The following APPBP2 variants were observed in gnomAD, a reference collection of about 807,000 sequenced individuals.
APPBP2 encodes amyloid beta precursor protein binding protein 2.
Under a neutral mutation model 76.0 loss-of-function variants are expected in APPBP2, and 15 were observed. That is an observed-to-expected ratio of 0.20 (90% confidence interval 0.13 to 0.30). APPBP2 has a LOEUF of 0.30. Among genes scored for constraint, APPBP2 ranks in the 10% least tolerant of loss-of-function variants. The pLI is 1.00. For missense variants in APPBP2, 401 were observed against 687.2 expected (o/e 0.58, Z 4.66); for synonymous variants, 222 against 242.2 (o/e 0.92, Z 0.77).
chr17:60,488,364 CATGG>C (rs1343847134), intron 3 of APPBP2, among the ~76,000 whole-genome samples: 3 of 152,172 alleles, frequency 2.0e-5, no homozygotes, highest in African/African-American at 7.2e-5. Context: ...GTCTCTATAA[CATGG>C]ATGGATTTTG....
In APPBP2 at chr17:60,460,668, A is replaced by G. The variant is rs200909615; in HGVS notation, c.1056T>C (p.Asn352=). 3.5e-5 allele frequency: 56 copies of G among 1,611,460 alleles called. No homozygotes were observed. The East Asian group carries it at 7.8e-4, about 22-fold the overall frequency. ...AAAAGGAATGTGGAACTTACAGTGC[A>G]TTGTCAAATTTCCCAGAGCTATACT... ...VHQYSSGKFD[N]ALFHAERAIG... is the part of the protein sequence containing the mutation. The change falls in exon 9 of 13, where the codon AAT becomes AAC. Residue 352 remains asparagine (N), a synonymous_variant. Coordinates refer to ENST00000083182, the MANE Select transcript of APPBP2 (RefSeq NM_006380.5).
At position 60,451,989 on chromosome 17, in the gene APPBP2, T is replaced by C. The variant is rs1489028398; in HGVS notation, c.1395A>G (p.Gln465=). The C allele has an allele frequency of 2.5e-6, 4 of 1,613,832 alleles. No individual in the cohort carries two copies. The highest frequency in any genetic ancestry group is 2.7e-5 in the African/African-American group (2 of 74,926). ...CTGAAAGGGCTACTTCATAATCTTC[T>C]TGACCAAGAAGTTGTTCTTTAATCT... ...AIQIKEQLLG[Q]EDYEVALSVG... Residue 465 remains glutamine, a synonymous_variant, in exon 12 of 13, where the codon CAA becomes CAG. Coordinates refer to ENST00000083182, the MANE Select transcript of APPBP2 (RefSeq NM_006380.5).
chr17:60,504,510 C>A (rs975336313), intron 1 of APPBP2, among the ~76,000 whole-genome samples: 3 of 152,038 alleles, frequency 2.0e-5, no homozygotes, highest in Admixed American at 6.6e-5. Flanking sequence ...AAAAGGAATT[C>A]CAGATTTATC....
chr17:60,488,669 G>C (rs1463320180), intron 3 of APPBP2, among the ~76,000 whole-genome samples: 2 of 152,112 alleles, frequency 1.3e-5, no homozygotes, highest in African/African-American at 4.8e-5. Context: ...CCAGGACTTG[G>C]TTCTCTCTCC....
At chr17:60,459,465 G>GTCCT in intron 9 of APPBP2, 1 of 146,152 alleles carries the variant, frequency 6.8e-6, no homozygotes, top group Non-Finnish European at 1.5e-5. Flanking sequence ...ATGTCCACCT[G>GTCCT]TCCTTTCCCT....
At chr17:60,494,225 G>A (rs2090754429) in intron 3 of APPBP2, among the ~76,000 whole-genome samples, 1 of 152,194 alleles carries the variant, frequency 6.6e-6, no homozygotes, top group Non-Finnish European at 1.5e-5. Context: ...ACTTTTCTGA[G>A]TCTGTTTCCT....
At chr17:60,507,425 T>C (rs924397189) in intron 1 of APPBP2, among the ~76,000 whole-genome samples, 1 of 152,198 alleles carries the variant, frequency 6.6e-6, no homozygotes, top group Non-Finnish European at 1.5e-5. Flanking sequence ...TTTTGCCATG[T>C]TGGCCAGGCT....
At chr17:60,475,858 C>T (rs545803374) in intron 4 of APPBP2, among the ~76,000 whole-genome samples, 1 of 152,244 alleles carries the variant, frequency 6.6e-6, no homozygotes, top group South Asian at 2.1e-4. Flanking sequence ...AGCCCAAAAG[C>T]AATCTCTGTT....
In APPBP2 at chr17:60,456,289, A is replaced by G; in HGVS notation, c.1147+7T>C. ...TAAAATATCTGAGACTAGATTACAA[A>G]GGATACCTTTCACCCTCTTTGAAGA... On this transcript the variant is annotated splice_region_variant and intron_variant, in intron 10 of 12. Coordinates refer to ENST00000083182, the MANE Select transcript of APPBP2 (RefSeq NM_006380.5). 1 of 1,566,884 alleles carries G rather than the reference A, an allele frequency of 6.4e-7. No homozygotes were observed. Among genetic ancestry groups the G allele is most frequent in the Non-Finnish European group, 8.8e-7 (1 of 1,137,844 alleles).
chr17:60,499,695 A>T (rs1323735931), intron 2 of APPBP2, among the ~76,000 whole-genome samples: 3 of 152,240 alleles, frequency 2.0e-5, no homozygotes, highest in Non-Finnish European at 2.9e-5. Flanking sequence ...AGATAAACAA[A>T]ATGTGGTATA....
intron 12 of APPBP2, among the ~76,000 whole-genome samples, chr17:60,448,764 C>A (rs1369229653): frequency 6.6e-6 from 1 of 152,116 alleles, no homozygotes; most frequent in Non-Finnish European, 1.5e-5. Flanking sequence ...AAATATTTAT[C>A]TGTTCATTGT....
At chr17:60,499,015 A>G (rs1390091296) in intron 2 of APPBP2, among the ~76,000 whole-genome samples, 1 of 151,750 alleles carries the variant, frequency 6.6e-6, no homozygotes, top group African/African-American at 2.4e-5. Flanking sequence ...ACGTAACTTC[A>G]TGCATTAAAA....
rs939599630 is a variant in APPBP2, at chr17:60,443,503, A to G, written c.*4078T>C. 1 of 152,644 alleles carries G rather than the reference A, an allele frequency of 6.6e-6. No individual in the cohort carries two copies. Among genetic ancestry groups the G allele is most frequent in the Non-Finnish European group, 1.5e-5 (1 of 68,048 alleles). The allele number at this position is 152,644 out of a possible 1,614,324, so 9.5% of individuals were successfully genotyped here. ...ATCCCCTGTTGCTTAATAAAGTATA[A>G]AAATAGTACTGACCTGGTAATATTT... On this transcript the variant is annotated 3_prime_UTR_variant, in exon 13 of 13. Transcript: ENST00000083182.
intron 9 of APPBP2, among the ~76,000 whole-genome samples, chr17:60,457,409 G>GT (rs1226504754): frequency 2.2e-4 from 34 of 151,122 alleles, no homozygotes; most frequent in East Asian, 2.1e-3. Flanking sequence ...GTCTGCTGAG[G>GT]TTTTTTTTGT....
At chr17:60,493,881 C>G in intron 3 of APPBP2, among the ~76,000 whole-genome samples, 1 of 152,128 alleles carries the variant, frequency 6.6e-6, no homozygotes, top group East Asian at 1.9e-4. Context: ...CAGTGATCCA[C>G]CCACCTCAGT....
intron 4 of APPBP2, among the ~76,000 whole-genome samples, chr17:60,467,175 A>G (rs80122721): frequency 1.3e-5 from 2 of 152,112 alleles, no homozygotes; most frequent in Non-Finnish European, 2.9e-5. Context: ...TATTTATTAA[A>G]TGCTAGCTAG....
rs931503251 is a variant in APPBP2 at position 60,488,708 on chromosome 17, C to T, written c.379+5758G>A. On this transcript the variant is annotated intron_variant, in intron 3 of 12. Coordinates refer to ENST00000083182, the MANE Select transcript of APPBP2 (RefSeq NM_006380.5). ...GTATCTAGTTGGGTCATTATAATGG[C>T]CAGATTGGCATAAGTAGATGTGGAG... is the stretch of plus-strand genomic sequence containing the variant. Among the ~76,000 whole-genome samples, 20 of 152,116 alleles carry T rather than the reference C, an allele frequency of 1.3e-4. No homozygotes were observed. In the East Asian group the frequency reaches 1.5e-3, roughly 12 times the overall value.
intron 3 of APPBP2, 82 bp from the exon 4 acceptor site, chr17:60,479,353 C>T: frequency 7.4e-7 from 1 of 1,357,046 alleles, no homozygotes; most frequent in Non-Finnish European, 9.9e-7. Context: ...GTGAATATTA[C>T]CTAAATTAAA....
At chr17:60,485,317 G>C (rs2090665064) in intron 3 of APPBP2, among the ~76,000 whole-genome samples, 2 of 152,184 alleles carry the variant, frequency 1.3e-5, no homozygotes, top group Admixed American at 6.5e-5. Flanking sequence ...ATTTGGCTGT[G>C]AATCAGTCTG....
Sources: allele counts gnomAD v4.1 joint callset (sites outside exome capture counted in the v4.1 genomes callset), GRCh38; gene constraint gnomAD v4.1.1; transcripts MANE v1.5; gene names NCBI Gene and HGNC (gene_info 2026-07-23, HGNC 2026-07-21).